The following CACNA1H variants were observed in gnomAD, a reference collection of about 807,000 sequenced individuals.
CACNA1H encodes the protein calcium voltage-gated channel subunit alpha1 H.
A neutral mutation model predicts 192.5 loss-of-function variants in CACNA1H; 149 were observed. The ratio of observed to expected loss-of-function variants is 0.77; its 90% CI spans 0.68 to 0.89. CACNA1H has a LOEUF of 0.89. Ranked by LOEUF, CACNA1H falls within the 40% of genes least tolerant of loss-of-function variation. CACNA1H has a pLI of 0.00. For synonymous variants in CACNA1H, 2,202 were observed against 1,475.2 expected (o/e 1.49, Z -11.29); for missense variants, 4,257 against 3,423.5 (o/e 1.24, Z -6.08).
In CACNA1H at chr16:1,212,146, G is replaced by T; in HGVS notation, c.4759+8G>T. 6.3e-7 allele frequency: 1 copy of T among 1,599,378 alleles called. No individual in the cohort carries two copies. The highest frequency in any genetic ancestry group is 2.1e-4 in the Middle Eastern group (1 of 4,804). Reference sequence around the variant, plus strand: ...TAGAGAGGAGGCGCAGGAGTAAGGCGCTCCCGGTGGCGGTGGCGGTGGCGG... The same window carrying T: ...TAGAGAGGAGGCGCAGGAGTAAGGCTCTCCCGGTGGCGGTGGCGGTGGCGG... On this transcript the variant is annotated splice_region_variant and intron_variant, in intron 25 of 34. Coordinates refer to ENST00000348261, the MANE Select transcript of CACNA1H (RefSeq NM_021098.3).
rs1182423726 is a variant in CACNA1H, at chr16:1,219,074, C to G, written c.5992C>G (p.Leu1998Val). The G allele has an allele frequency of 6.5e-7, 1 of 1,549,718 alleles. No homozygotes were observed. Among genetic ancestry groups the G allele is most frequent in the Admixed American group, 2.0e-5 (1 of 50,982 alleles). Residue 1998 changes from leucine (L) to valine (V), a missense_variant, in exon 34 of 35, where the codon CTG (leucine) becomes GTG (valine). Physicochemically the swap from Leu to Val is conservative, Grantham distance 32 (BLOSUM62 1). Transcript: ENST00000348261. ...PARSGEPLHALSPRGTARSPS... is the reference protein window; with the variant it reads ...PARSGEPLHAVSPRGTARSPS... ...CAGGAGCGGCGAGCCCCTCCACGCCCTGTCCCCTCGGGGCACAGCCCGCTC... is the reference window on the plus strand; with the variant it reads ...CAGGAGCGGCGAGCCCCTCCACGCCGTGTCCCCTCGGGGCACAGCCCGCTC...
chr16:1,174,232 TCTCCTGTGGGG>T (rs1403060683), intron 2 of CACNA1H, among the ~76,000 whole-genome samples: 6 of 152,122 alleles, frequency 3.9e-5, no homozygotes, highest in South Asian at 4.2e-4. Flanking sequence ...CCGGCTGAAG[TCTCCTGTGGGG>T]CTCCTGGGTT....
rs1961813069 is a variant in CACNA1H at position 1,153,236 on chromosome 16, C to T, written c.-253C>T. 1 of 145,632 alleles carries T rather than the reference C, an allele frequency of 6.9e-6. No homozygotes were observed. The highest frequency in any genetic ancestry group is 6.8e-5 in the Admixed American group (1 of 14,702). The allele number at this position is 145,632 out of a possible 1,614,324, so 9.0% of individuals were successfully genotyped here. On this transcript the variant is annotated 5_prime_UTR_variant, in exon 1 of 35. Coordinates refer to ENST00000348261, the MANE Select transcript of CACNA1H (RefSeq NM_021098.3). The stretch of plus-strand genomic sequence containing the variant: ...CCCGTCCGCTCAGCGGCCTCCACGC[C>T]GCGCCGAGGCCGCCGCCGTCGCCTC...
intron 2 of CACNA1H, among the ~76,000 whole-genome samples, chr16:1,163,808 C>T (rs1459465803): frequency 1.3e-5 from 2 of 152,216 alleles, no homozygotes; most frequent in African/African-American, 4.8e-5. Context: ...ACTTGGGTGC[C>T]AGGGTGAGAG....
At position 1,201,755 on chromosome 16, in the gene CACNA1H, G is replaced by T; in HGVS notation, c.1305G>T (p.Glu435Asp). 6.2e-7 allele frequency: 1 copy of T among 1,608,956 alleles called. No individual in the cohort carries two copies. The highest frequency in any genetic ancestry group is 8.5e-7 in the Non-Finnish European group (1 of 1,178,536). The change falls in exon 9 of 35, where the codon GAG becomes GAT. Residue 435 changes from glutamate to aspartate, a missense_variant. Glu to Asp is a conservative substitution (Grantham distance 45). Coordinates refer to ENST00000348261, the MANE Select transcript of CACNA1H (RefSeq NM_021098.3). The part of the protein sequence containing the change: ...TKQRESQLMR[E>D]QRARHLSNDS... ...AGCGGGAGAGTCAGCTGATGCGGGA[G>T]CAGCGGGCACGCCACCTGTCCAACG...
intron 4 of CACNA1H, 69 bp downstream of exon 4, chr16:1,195,634 G>A (rs1488403939): frequency 9.9e-6 from 15 of 1,514,488 alleles, no homozygotes; most frequent in Non-Finnish European, 1.3e-5. Context: ...GGATCCCTGT[G>A]TCCCACCTGT....
chr16:1,217,937 C>T lies in CACNA1H; in HGVS notation c.5342C>T (p.Pro1781Leu), dbSNP rs372601783. The T allele has an allele frequency of 3.7e-6, 6 of 1,605,040 alleles. No individual in the cohort carries two copies. The highest frequency in any genetic ancestry group is 1.1e-5 in the South Asian group (1 of 89,454). ...FGRLECSEDN[P>L]CEGLSRHATF... ...CCCGCAGAGTGCAGTGAAGACAACC[C>T]CTGCGAGGGCCTGAGCAGGCACGCC... The change falls in exon 32 of 35, where the codon CCC becomes CTC. Residue 1781 changes from proline to leucine, a missense_variant. Transcript: ENST00000348261.
intron 2 of CACNA1H, among the ~76,000 whole-genome samples, chr16:1,168,862 G>A (rs560923524): frequency 2.0e-5 from 3 of 152,110 alleles, no homozygotes; most frequent in East Asian, 2.0e-4. Context: ...TCCTCAGCCC[G>A]CTCCCCACTT....
At chr16:1,179,730 CTTTTT>C (rs758652517) in intron 2 of CACNA1H, among the ~76,000 whole-genome samples, 3,054 of 109,070 alleles carry the variant, frequency 0.028, 93 homozygotes, top group African/African-American at 0.086. Flanking sequence ...CGCCCGGCCT[CTTTTT>C]TTTTTTTTTT....
At chr16:1,165,370 G>C (rs937214685) in intron 2 of CACNA1H, among the ~76,000 whole-genome samples, 2 of 152,198 alleles carry the variant, frequency 1.3e-5, no homozygotes, top group Non-Finnish European at 2.9e-5. Flanking sequence ...CCCGGGCCAC[G>C]CTCTTTCGTG....
chr16:1,214,007 C>A (rs531533807), intron 27 of CACNA1H, 76 bp downstream of exon 27: 1 of 1,283,292 alleles, frequency 7.8e-7, no homozygotes, highest in Non-Finnish European at 1.1e-6. Flanking sequence ...TGGGCACAAC[C>A]CTGGACCGGC....
At chr16:1,179,488 G>A (rs562783360) in intron 2 of CACNA1H, among the ~76,000 whole-genome samples, 2 of 152,264 alleles carry the variant, frequency 1.3e-5, no homozygotes, top group East Asian at 3.9e-4. Flanking sequence ...GTTGTTGCTG[G>A]TGTGATCTCG....
At chr16:1,200,915 G>A in intron 8 of CACNA1H, 107 bp downstream of exon 8, 4 of 766,444 alleles carry the variant, frequency 5.2e-6, no homozygotes, top group Middle Eastern at 5.4e-4. Context: ...TCTTCCAGCT[G>A]AAGGGAGCAC....
chr16:1,207,196 C>G, intron 13 of CACNA1H, 78 bp downstream of exon 13: 1 of 1,550,758 alleles, frequency 6.4e-7, no homozygotes, highest in Non-Finnish European at 8.7e-7. Flanking sequence ...TCCTGCGCAT[C>G]CATAGCTGCC....
chr16:1,208,368 G>T, intron 16 of CACNA1H, 147 bp downstream of exon 16: 1 of 685,778 alleles, frequency 1.5e-6, no homozygotes, highest in Non-Finnish European at 2.5e-6. Context: ...AGAGTGTTCT[G>T]GTTTCCGGAA....
rs1026452588 is a variant in CACNA1H at position 1,202,532 on chromosome 16, C to T, written c.2002+80C>T. 9.4e-6 allele frequency: 12 copies of T among 1,275,238 alleles called. No individual in the cohort carries two copies. In the African/African-American group the frequency reaches 1.8e-4, roughly 19 times the overall value. The allele number at this position is 1,275,238 out of a possible 1,614,324, so 79.0% of individuals were successfully genotyped here. On this transcript the variant is annotated intron_variant, in intron 9 of 34. Transcript: ENST00000348261. The stretch of plus-strand genomic sequence containing the variant: ...CAGGGTCTCCGGTGTGTCATTCCCA[C>T]ACCCATTGTGGGCACTCTGATGAGC...
chr16:1,174,849 C>A (rs569688235), intron 2 of CACNA1H, among the ~76,000 whole-genome samples: 9 of 152,200 alleles, frequency 5.9e-5, no homozygotes, highest in African/African-American at 1.4e-4. Context: ...CGAGGCTCCC[C>A]GGGGCCCAGG....
chr16:1,209,922 T>G, intron 17 of CACNA1H, 113 bp from the exon 18 acceptor site: 4 of 765,614 alleles, frequency 5.2e-6, no homozygotes, highest in Non-Finnish European at 6.4e-6. Context: ...GGAGTGAGGA[T>G]GGAGAAGGCT....
In CACNA1H at chr16:1,189,397, C is replaced by CTTTTTT. The variant is rs3990780; in HGVS notation, c.300-5543_300-5538dup. On this transcript the variant is annotated intron_variant, in intron 2 of 34. Transcript: ENST00000348261. ...CCTGGCAGGTGCCCTGAAGAGTGTC[C>CTTTTTT]TTTTTTTTTTTTTTTTTTTTTTTTT... 6.7e-5 allele frequency among the ~76,000 whole-genome samples: 3 copies of CTTTTTT among 45,034 alleles called. 1 individual carries two copies. The East Asian group carries it at 1.9e-3, about 28-fold the overall frequency. 29.5% of individuals were successfully genotyped at this position (45,034 alleles called of 152,430 possible). A position where few individuals can be genotyped will look rare whatever the true frequency, so the allele number is the denominator to read the frequency against.
Sources: gnomAD v4.1 joint callset for allele counts (sites outside exome capture counted in the v4.1 genomes callset) on GRCh38, gnomAD v4.1.1 for gene constraint, MANE v1.5 for transcripts, NCBI Gene and HGNC (gene_info 2026-07-23, HGNC 2026-07-21) for gene names.